Variants in CNTNAP4 observed in about 807,000 individuals in gnomAD.
CNTNAP4 encodes the protein contactin associated protein family member 4.
In CNTNAP4, 98 loss-of-function variants were observed where a neutral mutation model predicts 148.4. That is an observed-to-expected ratio of 0.66 (90% confidence interval 0.56 to 0.78). The LOEUF is 0.78. Among genes scored for constraint, CNTNAP4 ranks in the 30% least tolerant of loss-of-function variants. The pLI, the probability that CNTNAP4 is intolerant of heterozygous loss-of-function variation, is 0.00. For missense variants in CNTNAP4, 1,935 were observed against 1,565.6 expected (o/e 1.24, Z -3.98); for synonymous variants, 730 against 565.1 (o/e 1.29, Z -4.14).
intron 3 of CNTNAP4, among the ~76,000 whole-genome samples, chr16:76,412,307 G>A (rs552748661): frequency 5.3e-5 from 8 of 151,308 alleles, no homozygotes; most frequent in South Asian, 4.2e-4. Flanking sequence ...AAATATTCAC[G>A]TACATACATG....
At chr16:76,308,766 C>T (rs574376023) in intron 1 of CNTNAP4, among the ~76,000 whole-genome samples, 2 of 152,198 alleles carry the variant, frequency 1.3e-5, no homozygotes, top group Non-Finnish European at 2.9e-5. Flanking sequence ...ACTGAAGATG[C>T]ACACTACAGA....
intron 23 of CNTNAP4, among the ~76,000 whole-genome samples, chr16:76,555,066 T>C (rs934297031): frequency 1.3e-5 from 2 of 152,118 alleles, no homozygotes; most frequent in African/African-American, 2.4e-5. Flanking sequence ...TATATCCATA[T>C]CATATTCAGA....
intron 19 of CNTNAP4, among the ~76,000 whole-genome samples, chr16:76,539,130 A>C (rs573255622): frequency 6.6e-5 from 10 of 152,056 alleles, no homozygotes; most frequent in Non-Finnish European, 1.2e-4. Flanking sequence ...TCTTTGTCAA[A>C]TTGAAAGATA....
At chr16:76,408,983 G>A (rs1200896136) in intron 3 of CNTNAP4, among the ~76,000 whole-genome samples, 1 of 151,902 alleles carries the variant, frequency 6.6e-6, no homozygotes, top group Non-Finnish European at 1.5e-5. Context: ...CAAACCTGCG[G>A]GAACAAAGCC....
At chr16:76,390,352 T>C (rs1187192275) in intron 3 of CNTNAP4, among the ~76,000 whole-genome samples, 1 of 152,228 alleles carries the variant, frequency 6.6e-6, no homozygotes, top group East Asian at 1.9e-4. Flanking sequence ...TTCTTTTCTT[T>C]ATCCTTGCCT....
intron 10 of CNTNAP4, among the ~76,000 whole-genome samples, chr16:76,474,204 C>T (rs1231468930): frequency 6.6e-6 from 1 of 152,172 alleles, no homozygotes; most frequent in Non-Finnish European, 1.5e-5. Flanking sequence ...GACTGGGAGA[C>T]AGGGGCTGTA....
chr16:76,281,113 G>A (rs1419767956), intron 1 of CNTNAP4, among the ~76,000 whole-genome samples: 3 of 152,104 alleles, frequency 2.0e-5, no homozygotes, highest in Non-Finnish European at 4.4e-5. Flanking sequence ...AAGGATAGAT[G>A]AAGGCAAATT....
chr16:76,391,878 GTGCACACCCAAGTTTGAAT>G (rs2144770231), intron 3 of CNTNAP4, among the ~76,000 whole-genome samples: 1 of 152,294 alleles, frequency 6.6e-6, no homozygotes, highest in Non-Finnish European at 1.5e-5. Context: ...GGTAATTCAC[GTGCACACCCAAGTTTGAAT>G]TGCTCTGTTC....
At chr16:76,332,343 C>G (rs1423097913) in intron 2 of CNTNAP4, among the ~76,000 whole-genome samples, 2 of 152,078 alleles carry the variant, frequency 1.3e-5, no homozygotes, top group African/African-American at 2.4e-5. Context: ...TCACTGCAGC[C>G]TCCACCTCTT....
chr16:76,330,390 G>A (rs1358046519), intron 2 of CNTNAP4, among the ~76,000 whole-genome samples: 3 of 152,154 alleles, frequency 2.0e-5, no homozygotes, highest in Admixed American at 6.5e-5. Flanking sequence ...AATGGGCCAT[G>A]CAGTTTTGAG....
At position 76,479,634 on chromosome 16, in the gene CNTNAP4, CA is replaced by C. The variant is rs2081739953; in HGVS notation, c.1882+98del. 7.9e-6 allele frequency: 10 copies of C among 1,268,620 alleles called. 1 individual carries two copies. The South Asian group carries it at 1.5e-4, about 18-fold the overall frequency. 78.6% of individuals were successfully genotyped at this position (1,268,620 alleles called of 1,614,324 possible). On this transcript the variant is annotated intron_variant, in intron 12 of 23. Coordinates refer to ENST00000611870, the MANE Select transcript of CNTNAP4 (RefSeq NM_033401.5). The stretch of plus-strand genomic sequence containing the variant: ...ATAAGCAGAATGTTGACGTAATTTG[CA>C]ACTTGATTAAAATATGTATTGTTCC...
chr16:76,537,455 T>TGA (rs72348904), intron 18 of CNTNAP4, among the ~76,000 whole-genome samples: 66 of 150,406 alleles, frequency 4.4e-4, no homozygotes, highest in Non-Finnish European at 8.9e-4. Context: ...TGTGTGTGTG[T>TGA]GAGAGAGAGA....
intron 4 of CNTNAP4, 59 bp downstream of exon 4, chr16:76,427,658 C>A: frequency 7.0e-7 from 1 of 1,422,430 alleles, no homozygotes; most frequent in Non-Finnish European, 9.4e-7. Context: ...TTTTAAAAGC[C>A]AAACTACAAA....
At chr16:76,367,876 C>T (rs903008164) in intron 3 of CNTNAP4, among the ~76,000 whole-genome samples, 1 of 152,088 alleles carries the variant, frequency 6.6e-6, no homozygotes, top group South Asian at 2.1e-4. Flanking sequence ...GCCAACTGTT[C>T]TCCAATGTAG....
chr16:76,421,887 G>T (rs1344906274), intron 3 of CNTNAP4, among the ~76,000 whole-genome samples: 1 of 152,120 alleles, frequency 6.6e-6, no homozygotes, highest in Non-Finnish European at 1.5e-5. Context: ...TGCAGAGTCT[G>T]CTGTGCAACT....
At chr16:76,385,983 A>C (rs1195379084) in intron 3 of CNTNAP4, among the ~76,000 whole-genome samples, 1 of 152,090 alleles carries the variant, frequency 6.6e-6, no homozygotes, top group East Asian at 1.9e-4. Context: ...TGAATAGATA[A>C]TGAAAAAAAA....
At chr16:76,323,464 G>T (rs1336797959) in intron 2 of CNTNAP4, among the ~76,000 whole-genome samples, 1 of 152,132 alleles carries the variant, frequency 6.6e-6, no homozygotes, top group Non-Finnish European at 1.5e-5. Flanking sequence ...CCAGCCTTGA[G>T]AAGGTGAAAT....
chr16:76,315,721 A>C (rs1201853087), intron 1 of CNTNAP4, among the ~76,000 whole-genome samples: 2 of 151,980 alleles, frequency 1.3e-5, no homozygotes, highest in Non-Finnish European at 2.9e-5. Context: ...CAGCCTCCCT[A>C]GCAGCTGAGA....
intron 1 of CNTNAP4, among the ~76,000 whole-genome samples, chr16:76,296,662 GAAGA>G (rs1959337070): frequency 6.6e-6 from 1 of 151,994 alleles, no homozygotes; most frequent in African/African-American, 2.4e-5. Flanking sequence ...GAGAGAGAGA[GAAGA>G]AAGAGAAATG....
Sources: allele counts gnomAD v4.1 joint callset (sites outside exome capture counted in the v4.1 genomes callset), GRCh38; gene constraint gnomAD v4.1.1; transcripts MANE v1.5; gene names NCBI Gene and HGNC (gene_info 2026-07-23, HGNC 2026-07-21).